Variants in ASS1 observed in about 807,000 individuals in gnomAD.
The protein encoded by ASS1 is argininosuccinate synthase 1.
In ASS1, 58 loss-of-function variants were observed where a neutral mutation model predicts 60.5. The ratio of observed to expected loss-of-function variants is 0.96; its 90% CI spans 0.78 to 1.19. The LOEUF is 1.19. Ranked by LOEUF, ASS1 falls within the 50% of genes most tolerant of loss-of-function variation. ASS1 has a pLI of 0.00. For missense variants in ASS1, 454 were observed against 547.3 expected (o/e 0.83, Z 1.70); for synonymous variants, 200 against 206.9 (o/e 0.97, Z 0.29).
Position 130,500,975 on chromosome 9 carries a change from G to T in ASS1, c.1194-1G>T. 6.2e-7 allele frequency: 1 copy of T among 1,613,690 alleles called. No homozygotes were observed. Among genetic ancestry groups the T allele is most frequent in the Non-Finnish European group, 8.5e-7 (1 of 1,179,804 alleles). The stretch of plus-strand genomic sequence containing the variant: ...TTCTTTGTTTTGAATCTGGTTTACA[G>T]GCTGAAGGAATATCATCGTCTCCAG... On this transcript the variant is annotated splice_acceptor_variant, in intron 14 of 14. Transcript: ENST00000352480. LOFTEE classifies it high-confidence loss of function.
intron 1 of ASS1, among the ~76,000 whole-genome samples, chr9:130,449,818 C>T (rs771857503): frequency 2.0e-5 from 3 of 151,988 alleles, no homozygotes; most frequent in East Asian, 1.9e-4. Flanking sequence ...ATCCGCACGC[C>T]GAAACTTGCT....
chr9:130,475,230 G>A (rs907467903), intron 8 of ASS1, among the ~76,000 whole-genome samples: 1 of 152,168 alleles, frequency 6.6e-6, no homozygotes, highest in African/African-American at 2.4e-5. Context: ...TGAGGAGGAG[G>A]CTGGGCCGAG....
chr9:130,487,993 G>T (rs1396549146), intron 11 of ASS1, among the ~76,000 whole-genome samples: 1 of 152,082 alleles, frequency 6.6e-6, no homozygotes, highest in Admixed American at 6.5e-5. Flanking sequence ...GACCTGAGGT[G>T]ATCCACCTGC....
chr9:130,482,217 G>A (rs1157788119), intron 11 of ASS1, among the ~76,000 whole-genome samples: 2 of 152,036 alleles, frequency 1.3e-5, no homozygotes, highest in East Asian at 1.9e-4. Context: ...CTCATGTATG[G>A]TGGCAGGAAC....
chr9:130,495,087 C>T, intron 13 of ASS1, 64 bp downstream of exon 13: 1 of 1,535,376 alleles, frequency 6.5e-7, no homozygotes, highest in African/African-American at 1.4e-5. Context: ...TGACTGGATC[C>T]TCAAGACATC....
intron 2 of ASS1, among the ~76,000 whole-genome samples, chr9:130,453,803 C>T (rs1845377351): frequency 6.6e-6 from 1 of 152,198 alleles, no homozygotes; most frequent in Non-Finnish European, 1.5e-5. Context: ...GGGCACTGGC[C>T]ACAGGGACGG....
chr9:130,495,480 C>CATAT (rs1323684435), intron 13 of ASS1, among the ~76,000 whole-genome samples: 131 of 150,528 alleles, frequency 8.7e-4, no homozygotes, highest in Middle Eastern at 3.4e-3. Context: ...TATACACACA[C>CATAT]ACACACACAC....
chr9:130,484,843 G>A (rs551819880), intron 11 of ASS1, among the ~76,000 whole-genome samples: 64 of 152,188 alleles, frequency 4.2e-4, no homozygotes, highest in African/African-American at 9.2e-4. Flanking sequence ...GCGCGCGCGC[G>A]CGTCGGCAGC....
chr9:130,498,320 G>T (rs961592364), intron 13 of ASS1, among the ~76,000 whole-genome samples: 19 of 152,200 alleles, frequency 1.2e-4, no homozygotes, highest in African/African-American at 4.6e-4. Context: ...CTGCAGACAA[G>T]GGTCTGATTC....
chr9:130,500,897 C>A, intron 14 of ASS1, 79 bp from the exon 15 acceptor site: 1 of 1,511,402 alleles, frequency 6.6e-7, no homozygotes, highest in South Asian at 1.1e-5. Flanking sequence ...GCCACCCCAG[C>A]TCTGCCTGAA....
chr9:130,454,519 T>C (rs1280351011), intron 3 of ASS1, 146 bp downstream of exon 3: 12 of 921,670 alleles, frequency 1.3e-5, no homozygotes, highest in Admixed American at 2.4e-5. Flanking sequence ...CTCAGGTGTG[T>C]GAACCCTCTT....
At chr9:130,480,274 T>C in intron 10 of ASS1, 111 bp from the exon 11 acceptor site, 1 of 1,176,798 alleles carries the variant, frequency 8.5e-7, no homozygotes. Context: ...GATCCTGAAA[T>C]GCTGCCTAAT....
At chr9:130,447,849 G>A (rs959539252) in intron 1 of ASS1, among the ~76,000 whole-genome samples, 9 of 152,168 alleles carry the variant, frequency 5.9e-5, no homozygotes, top group African/African-American at 7.2e-5. Flanking sequence ...CCATAGCAGC[G>A]GTGCACAGAG....
In ASS1 at chr9:130,470,633, C is replaced by T. The variant is rs778394041; in HGVS notation, c.496-201C>T. Among the ~76,000 whole-genome samples, 34 of 152,208 alleles carry T rather than the reference C, an allele frequency of 2.2e-4. No individual in the cohort carries two copies. Among genetic ancestry groups the T allele is most frequent in the Admixed American group, 2.6e-4 (4 of 15,290 alleles). On this transcript the variant is annotated intron_variant, in intron 6 of 14. Transcript: ENST00000352480. This position sits in a 1 kb window ranked among gnomAD's most constrained non-coding sequence, Gnocchi z 4.3. Reference sequence around the variant, plus strand: ...CTCCAAGGTCAGCATTGCAGACACACGGTCCTGCAGTTTCTCTGGGGCATG... The same window carrying T: ...CTCCAAGGTCAGCATTGCAGACACATGGTCCTGCAGTTTCTCTGGGGCATG...
intron 8 of ASS1, among the ~76,000 whole-genome samples, chr9:130,474,210 C>T (rs959397811): frequency 3.3e-5 from 5 of 151,982 alleles, no homozygotes; most frequent in East Asian, 1.9e-4. Flanking sequence ...CTCGAGCCAC[C>T]GCGGAATGCA....
In ASS1 at chr9:130,477,362, C is replaced by T. The variant is rs972389013; in HGVS notation, c.688+401C>T. On this transcript the variant is annotated intron_variant, in intron 9 of 14. Transcript: ENST00000352480. This position sits in a 1 kb window ranked among gnomAD's most constrained non-coding sequence, Gnocchi z 4.2. ...GAGCGTCCAGCCCTGGGCCCTGACC[C>T]CGGAAGGTGCTCAGTAAACGGTGAG... 6.6e-6 allele frequency among the ~76,000 whole-genome samples: 1 copy of T among 152,182 alleles called. No individual in the cohort carries two copies. Among genetic ancestry groups the T allele is most frequent in the African/African-American group, 2.4e-5 (1 of 41,440 alleles).
chr9:130,483,451 C>A (rs959917396), intron 11 of ASS1, among the ~76,000 whole-genome samples: 8 of 150,312 alleles, frequency 5.3e-5, no homozygotes, highest in African/African-American at 2.0e-4. Context: ...CTGGGGAAGC[C>A]GCGGCTGGAG....
intron 5 of ASS1, 138 bp from the exon 6 acceptor site, chr9:130,466,587 C>G (rs948795629): frequency 2.4e-6 from 2 of 820,538 alleles, no homozygotes; most frequent in African/African-American, 3.4e-5. Flanking sequence ...CCCTCTCACC[C>G]TCACAACAGC....
intron 8 of ASS1, among the ~76,000 whole-genome samples, chr9:130,472,253 C>A (rs1263790591): frequency 6.6e-6 from 1 of 151,980 alleles, no homozygotes; most frequent in African/African-American, 2.4e-5. Flanking sequence ...TGCAGCTGGG[C>A]CTGGGGGAAT....
Sources: gnomAD v4.1 joint callset for allele counts (sites outside exome capture counted in the v4.1 genomes callset) on GRCh38, gnomAD v4.1.1 for gene constraint, Gnocchi (gnomAD v3.1) non-coding constraint, MANE v1.5 for transcripts, NCBI Gene and HGNC (gene_info 2026-07-23, HGNC 2026-07-21) for gene names.